TPD52: variants seen among roughly 807,000 people sequenced by gnomAD.
TPD52 encodes prostate and colon associated protein.
In TPD52, 17 loss-of-function variants were observed where a neutral mutation model predicts 31.3. The ratio of observed to expected loss-of-function variants is 0.54; its 90% CI spans 0.37 to 0.82. The LOEUF is 0.82. Among genes scored for constraint, TPD52 ranks in the 40% least tolerant of loss-of-function variants. TPD52 has a pLI of 0.00. For synonymous variants in TPD52, 83 were observed against 89.6 expected (o/e 0.93, Z 0.42); for missense variants, 212 against 240.1 (o/e 0.88, Z 0.77).
In TPD52 at chr8:80,036,311, A is replaced by G. The variant is rs1258755972; in HGVS notation, c.*1805T>C. On this transcript the variant is annotated 3_prime_UTR_variant, in exon 8 of 8. Transcript: ENST00000518937. ...GATCAAAAGAATATGTTTGAATTTTAAGAAGTAGACTAGTTCATAGAAAAA... is the reference window on the plus strand; with the variant it reads ...GATCAAAAGAATATGTTTGAATTTTGAGAAGTAGACTAGTTCATAGAAAAA... 1 of 152,654 alleles carries G rather than the reference A, an allele frequency of 6.6e-6. No individual in the cohort carries two copies. Among genetic ancestry groups the G allele is most frequent in the Admixed American group, 6.5e-5 (1 of 15,290 alleles). The allele number at this position is 152,654 out of a possible 1,614,324, so 9.5% of individuals were successfully genotyped here. A position where few individuals can be genotyped will look rare whatever the true frequency, so the allele number is the denominator to read the frequency against.
At chr8:80,128,653 C>T (rs1808804913) in intron 1 of TPD52, among the ~76,000 whole-genome samples, 1 of 151,186 alleles carries the variant, frequency 6.6e-6, no homozygotes, top group Non-Finnish European at 1.5e-5. Context: ...TGAGCAAGGC[C>T]CTGTCTCAAA....
At chr8:80,120,517 G>C (rs2131026305) in intron 1 of TPD52, among the ~76,000 whole-genome samples, 2 of 152,120 alleles carry the variant, frequency 1.3e-5, no homozygotes, top group African/African-American at 4.8e-5. Context: ...AAGAATGGAT[G>C]GATTGAATGA....
At chr8:80,132,723 G>C (rs564900348) in intron 1 of TPD52, among the ~76,000 whole-genome samples, 12 of 152,236 alleles carry the variant, frequency 7.9e-5, no homozygotes, top group Admixed American at 5.9e-4. Flanking sequence ...AAGAGGGAAG[G>C]GGAGCTGATG....
intron 1 of TPD52, among the ~76,000 whole-genome samples, chr8:80,122,140 C>A (rs1808303310): frequency 1.3e-5 from 2 of 151,792 alleles, no homozygotes; most frequent in South Asian, 4.1e-4. Context: ...CTCAAGAGAA[C>A]AAGGAATCAG....
chr8:80,043,196 A>G (rs1810541854), intron 6 of TPD52, among the ~76,000 whole-genome samples: 3 of 152,164 alleles, frequency 2.0e-5, no homozygotes, highest in Admixed American at 2.0e-4. Flanking sequence ...GAAGGGGGAG[A>G]AGCATAGAAA....
intron 1 of TPD52, among the ~76,000 whole-genome samples, chr8:80,131,998 G>C (rs62516112): frequency 0.17 from 25,165 of 151,570 alleles, 3,400 homozygotes; most frequent in African/African-American, 0.37. Context: ...TCATCAATGA[G>C]AATAGGATAA....
chr8:80,070,738 G>C (rs1042230153), intron 1 of TPD52, among the ~76,000 whole-genome samples: 1 of 152,132 alleles, frequency 6.6e-6, no homozygotes, highest in African/African-American at 2.4e-5. Context: ...AGAAAACTGA[G>C]GACAGATTTT....
chr8:80,123,710 T>C (rs963568419), intron 1 of TPD52, among the ~76,000 whole-genome samples: 1 of 152,158 alleles, frequency 6.6e-6, no homozygotes, highest in African/African-American at 2.4e-5. Flanking sequence ...GAATTGTAGC[T>C]GAAAACTTGA....
intron 1 of TPD52, among the ~76,000 whole-genome samples, chr8:80,138,091 G>GCGC (rs1329653137): frequency 5.3e-5 from 8 of 152,038 alleles, no homozygotes; most frequent in African/African-American, 1.7e-4. Flanking sequence ...TTACAGACAT[G>GCGC]CGCCACCACG....
chr8:80,117,600 C>T (rs993217606), intron 1 of TPD52, among the ~76,000 whole-genome samples: 1 of 152,140 alleles, frequency 6.6e-6, no homozygotes, highest in Non-Finnish European at 1.5e-5. Context: ...CTATCAAAAT[C>T]CCAGCTGACT....
intron 1 of TPD52, among the ~76,000 whole-genome samples, chr8:80,083,806 G>A (rs771475908): frequency 5.3e-5 from 8 of 152,158 alleles, no homozygotes; most frequent in Admixed American, 5.2e-4. Flanking sequence ...GAAGAACCAG[G>A]TAAGATTTGG....
At chr8:80,077,941 G>A (rs979179071) in intron 1 of TPD52, among the ~76,000 whole-genome samples, 4 of 152,194 alleles carry the variant, frequency 2.6e-5, no homozygotes, top group African/African-American at 7.2e-5. Context: ...TTTAAAAGAA[G>A]AAATGGCATC....
chr8:80,117,235 T>C (rs1186809144), intron 1 of TPD52, among the ~76,000 whole-genome samples: 1 of 152,184 alleles, frequency 6.6e-6, no homozygotes, highest in Non-Finnish European at 1.5e-5. Context: ...CATAATCTCA[T>C]GTATAGAATA....
chr8:80,073,037 G>A lies in TPD52; in HGVS notation c.20-8444C>T, dbSNP rs565459096. ...AAGAATCACTTGAACCTGGGAGGTG[G>A]AGGCTGCAGTGAGCCGAGATCACCC... On this transcript the variant is annotated intron_variant, in intron 1 of 7. Coordinates refer to ENST00000518937, the MANE Select transcript of TPD52 (RefSeq NM_001025253.3). Among the ~76,000 whole-genome samples the A allele has an allele frequency of 1.3e-3, 200 of 151,928 alleles. 2 individuals carry two copies. The highest frequency in any genetic ancestry group is 4.7e-3 in the African/African-American group (194 of 41,342).
chr8:80,031,618 G>A (rs1383720347), downstream of TPD52, among the ~76,000 whole-genome samples: 2 of 152,158 alleles, frequency 1.3e-5, no homozygotes, highest in African/African-American at 4.8e-5. Context: ...AGCACTTTGT[G>A]AGGTTGAGGA....
chr8:80,074,676 CA>C (rs1327465645), intron 1 of TPD52, among the ~76,000 whole-genome samples: 8 of 152,148 alleles, frequency 5.3e-5, no homozygotes, highest in Non-Finnish European at 1.0e-4. Context: ...CACAGTGGGG[CA>C]AAACTGTGGT....
At chr8:80,060,891 T>A (rs1812446872) in intron 2 of TPD52, among the ~76,000 whole-genome samples, 1 of 152,198 alleles carries the variant, frequency 6.6e-6, no homozygotes, top group Middle Eastern at 3.4e-3. Flanking sequence ...GCTTTCCCCA[T>A]AAGATCAGAA....
intron 1 of TPD52, among the ~76,000 whole-genome samples, chr8:80,073,262 T>A (rs1208311148): frequency 6.6e-6 from 1 of 152,218 alleles, no homozygotes; most frequent in Non-Finnish European, 1.5e-5. Context: ...AAGTGTGTCA[T>A]TCAGTGACAT....
chr8:80,042,325 A>C (rs1563560821), intron 7 of TPD52: 1 of 985,352 alleles, frequency 1.0e-6, no homozygotes, highest in African/African-American at 1.7e-5. Flanking sequence ...TTGTCCACCT[A>C]CAAAGGTACT....
Sources: gnomAD v4.1 joint callset for allele counts (sites outside exome capture counted in the v4.1 genomes callset) on GRCh38, gnomAD v4.1.1 for gene constraint, MANE v1.5 for transcripts, NCBI Gene and HGNC (gene_info 2026-07-23, HGNC 2026-07-21) for gene names.